NCAM2: variants seen among roughly 807,000 people sequenced by gnomAD.
The protein encoded by NCAM2 is neural cell adhesion molecule 2, also known as N-CAM-2.
NCAM2 carries 30 observed loss-of-function variants against 98.1 expected under a neutral mutation model. The observed-to-expected ratio is 0.31, with a 90% confidence interval of 0.23 to 0.41. The LOEUF (loss-of-function observed/expected upper bound fraction) is 0.41, where lower values mean the gene tolerates loss of function less well. Among genes scored for constraint, NCAM2 ranks in the 10% least tolerant of loss-of-function variants. NCAM2 has a pLI of 1.00. For synonymous variants in NCAM2, 368 were observed against 342.4 expected, an observed-to-expected ratio of 1.07 and a Z score of -0.83; for missense variants, 867 against 1,005.8, an observed-to-expected ratio of 0.86 and a Z score of 1.87.
At chr21:21,154,033 A>C (rs528164439) in intron 1 of NCAM2, among the ~76,000 whole-genome samples, 3 of 151,890 alleles carry the variant, frequency 2.0e-5, no homozygotes, top group African/African-American at 7.2e-5. Context: ...AATGTTTTAG[A>C]GAAGAGGTCA....
intron 12 of NCAM2, among the ~76,000 whole-genome samples, chr21:21,452,592 G>A (rs1981322982): frequency 2.5e-5 from 1 of 39,528 alleles, no homozygotes; most frequent in African/African-American, 6.7e-5. Context: ...ATATTGTATT[G>A]TGCATATAAT....
At chr21:21,347,154 A>G (rs1452310290) in intron 8 of NCAM2, among the ~76,000 whole-genome samples, 1 of 152,012 alleles carries the variant, frequency 6.6e-6, no homozygotes, top group Non-Finnish European at 1.5e-5. Context: ...AGATACAAGT[A>G]AATACAGTTA....
chr21:21,198,216 GTGTGTGTGTGTGTA>G lies in NCAM2; in HGVS notation c.56-82360_56-82347del, dbSNP rs1298923106. Among the ~76,000 whole-genome samples the G allele has an allele frequency of 5.9e-5, 7 of 119,628 alleles. 1 individual carries two copies. The South Asian group carries it at 1.2e-3, about 20-fold the overall frequency. 78.5% of individuals were successfully genotyped at this position (119,628 alleles called of 152,430 possible). ...TGTGTGTGTGTGTGTGTGTGTGTGT[GTGTGTGTGTGTGTA>G]TTCATTTGGTGATCTGTCCTTTCTA... On this transcript the variant is annotated intron_variant, in intron 1 of 17. Coordinates refer to ENST00000400546, the MANE Select transcript of NCAM2 (RefSeq NM_004540.5).
intron 1 of NCAM2, among the ~76,000 whole-genome samples, chr21:21,094,515 T>A (rs2066077907): frequency 6.6e-6 from 1 of 151,824 alleles, no homozygotes; most frequent in Non-Finnish European, 1.5e-5. Context: ...ATTTATCTAG[T>A]TTAAACTATG....
intron 8 of NCAM2, among the ~76,000 whole-genome samples, chr21:21,347,631 G>T (rs969397720): frequency 1.3e-5 from 2 of 151,924 alleles, no homozygotes; most frequent in Non-Finnish European, 2.9e-5. Context: ...GAGGAGAAAA[G>T]AATATTTCCA....
At chr21:21,000,434 CAT>C in intron 1 of NCAM2, among the ~76,000 whole-genome samples, 1 of 152,092 alleles carries the variant, frequency 6.6e-6, no homozygotes, top group East Asian at 1.9e-4. Context: ...AATTTGGAGA[CAT>C]AGGAAATTAG....
In NCAM2 at chr21:21,079,476, TAATAA is replaced by T. The variant is rs751173469; in HGVS notation, c.55+80863_55+80867del. On this transcript the variant is annotated intron_variant, in intron 1 of 17. Transcript: ENST00000400546. The stretch of plus-strand genomic sequence containing the variant: ...AAAATTGTGCTAAAAGGATTTCTTA[TAATAA>T]AATATTTTAAAGGGGTAAACAATGT... Among the ~76,000 whole-genome samples the T allele has an allele frequency of 3.9e-5, 6 of 152,252 alleles. No homozygotes were observed. In the South Asian group the frequency reaches 1.2e-3, roughly 32 times the overall value.
At chr21:21,259,574 T>A (rs1479939810) in intron 1 of NCAM2, among the ~76,000 whole-genome samples, 2 of 152,092 alleles carry the variant, frequency 1.3e-5, no homozygotes, top group African/African-American at 4.8e-5. Context: ...TACTCTTAAA[T>A]GCCACCTACT....
chr21:21,187,468 A>G (rs2068678656), intron 1 of NCAM2, among the ~76,000 whole-genome samples: 1 of 152,130 alleles, frequency 6.6e-6, no homozygotes, highest in Admixed American at 6.5e-5. Context: ...ACAACAAAAA[A>G]GGGAAATTCT....
chr21:21,070,291 T>C (rs567652285), intron 1 of NCAM2, among the ~76,000 whole-genome samples: 2 of 148,530 alleles, frequency 1.3e-5, no homozygotes, highest in Non-Finnish European at 3.0e-5. Context: ...ATATATAATC[T>C]AATATGTAAA....
intron 1 of NCAM2, among the ~76,000 whole-genome samples, chr21:21,090,018 T>C (rs149043623): frequency 5.3e-5 from 8 of 152,064 alleles, no homozygotes; most frequent in Non-Finnish European, 8.8e-5. Flanking sequence ...GGGTGGGAAA[T>C]GGAAACCACA....
intron 11 of NCAM2, among the ~76,000 whole-genome samples, chr21:21,422,968 A>G (rs533966402): frequency 1.3e-5 from 2 of 152,254 alleles, no homozygotes; most frequent in African/African-American, 2.4e-5. Flanking sequence ...CTGTATATTT[A>G]TATGCATATT....
intron 1 of NCAM2, among the ~76,000 whole-genome samples, chr21:21,198,266 A>G (rs535639657): frequency 9.6e-4 from 145 of 151,580 alleles, no homozygotes; most frequent in African/African-American, 3.3e-3. Context: ...AATTTTTAAT[A>G]TAGTTAACTG....
chr21:21,451,150 G>A (rs1981004923), intron 12 of NCAM2, among the ~76,000 whole-genome samples: 1 of 152,000 alleles, frequency 6.6e-6, no homozygotes, highest in Non-Finnish European at 1.5e-5. Flanking sequence ...CTGCACATTG[G>A]AGGGCCTGTT....
intron 1 of NCAM2, among the ~76,000 whole-genome samples, chr21:21,064,267 G>C (rs187048305): frequency 6.6e-6 from 1 of 152,280 alleles, no homozygotes; most frequent in East Asian, 1.9e-4. Context: ...TCTAACTTTA[G>C]AGTATAATAA....
At chr21:21,026,177 G>C (rs1196809019) in intron 1 of NCAM2, among the ~76,000 whole-genome samples, 1 of 152,136 alleles carries the variant, frequency 6.6e-6, no homozygotes, top group East Asian at 1.9e-4. Context: ...GCAAGAGCCG[G>C]GCTCAGCATC....
chr21:21,138,349 C>T (rs2826688), intron 1 of NCAM2, among the ~76,000 whole-genome samples: 63,348 of 151,956 alleles, frequency 0.42, 13,761 homozygotes, highest in African/African-American at 0.54. Flanking sequence ...CAAGACAAAG[C>T]CAGGGGTTTC....
intron 1 of NCAM2, among the ~76,000 whole-genome samples, chr21:21,186,223 T>A (rs1001602779): frequency 1.3e-5 from 2 of 152,198 alleles, no homozygotes; most frequent in African/African-American, 4.8e-5. Context: ...GGGTAATAGT[T>A]TTTTGTGTAA....
intron 1 of NCAM2, among the ~76,000 whole-genome samples, chr21:21,161,065 G>C (rs551602971): frequency 2.0e-5 from 3 of 151,956 alleles, no homozygotes; most frequent in Admixed American, 1.3e-4. Context: ...TAGGTTTCCT[G>C]TTGCTATCTA....
Sources: allele counts gnomAD v4.1 joint callset (sites outside exome capture counted in the v4.1 genomes callset), GRCh38; gene constraint gnomAD v4.1.1; transcripts MANE v1.5; gene names NCBI Gene and HGNC (gene_info 2026-07-23, HGNC 2026-07-21).